The following CDK14 variants were observed in gnomAD, a reference collection of about 807,000 sequenced individuals.
CDK14 encodes cyclin dependent kinase 14, also known as cyclin-dependent kinase 14.
In CDK14, 34 loss-of-function variants were observed where a neutral mutation model predicts 60.7. The ratio of observed to expected loss-of-function variants is 0.56; its 90% CI spans 0.43 to 0.75. The LOEUF is 0.75. Among genes scored for constraint, CDK14 ranks in the 30% least tolerant of loss-of-function variants. The pLI, the probability that CDK14 is intolerant of heterozygous loss-of-function variation, is 0.00. For synonymous variants in CDK14, 197 were observed against 203.7 expected (o/e 0.97, Z 0.28); for missense variants, 482 against 564.1 (o/e 0.85, Z 1.47).
At chr7:91,200,641 T>A (rs1254628293) in intron 14 of CDK14, among the ~76,000 whole-genome samples, 1 of 152,180 alleles carries the variant, frequency 6.6e-6, no homozygotes, top group Non-Finnish European at 1.5e-5. Flanking sequence ...TGTTCAAACA[T>A]CTCCCCTACA....
chr7:90,604,458 A>AT (rs1799377625), intron 2 of CDK14, among the ~76,000 whole-genome samples: 1 of 152,244 alleles, frequency 6.6e-6, no homozygotes, highest in Non-Finnish European at 1.5e-5. Context: ...GTCTTTTTCA[A>AT]TTAATAAATG....
chr7:90,645,090 C>T (rs1800431891), intron 2 of CDK14, among the ~76,000 whole-genome samples: 1 of 152,106 alleles, frequency 6.6e-6, no homozygotes, highest in African/African-American at 2.4e-5. Flanking sequence ...ATGAGAGTTC[C>T]AGTCTCATGG....
At chr7:90,841,707 C>A (rs553794566) in intron 5 of CDK14, among the ~76,000 whole-genome samples, 1 of 133,740 alleles carries the variant, frequency 7.5e-6, no homozygotes, top group East Asian at 2.2e-4. Flanking sequence ...TCAGCTTTCC[C>A]AGTGGAACAA....
At chr7:90,662,394 C>T (rs1000407743) in intron 2 of CDK14, among the ~76,000 whole-genome samples, 8 of 152,168 alleles carry the variant, frequency 5.3e-5, no homozygotes, top group African/African-American at 1.9e-4. Context: ...TGATTTTCTC[C>T]CCTGAGGAAA....
intron 3 of CDK14, among the ~76,000 whole-genome samples, chr7:90,738,897 C>CTTT (rs10640762): frequency 0.43 from 65,192 of 150,370 alleles, 14,824 homozygotes; most frequent in East Asian, 0.81. Context: ...CTGAATTATT[C>CTTT]TTTTTTTTTT....
At chr7:90,625,588 C>T (rs1389510332) in intron 2 of CDK14, among the ~76,000 whole-genome samples, 1 of 152,154 alleles carries the variant, frequency 6.6e-6, no homozygotes, top group African/African-American at 2.4e-5. Context: ...TATTTTTGCA[C>T]TATTAATCAC....
At chr7:91,078,747 G>A (rs1481888228) in intron 11 of CDK14, among the ~76,000 whole-genome samples, 2 of 152,164 alleles carry the variant, frequency 1.3e-5, no homozygotes, top group African/African-American at 2.4e-5. Flanking sequence ...ACATAAGGAT[G>A]GGTGTATTTC....
At chr7:90,901,627 A>T (rs2117360350) in intron 7 of CDK14, among the ~76,000 whole-genome samples, 1 of 151,992 alleles carries the variant, frequency 6.6e-6, no homozygotes, top group East Asian at 1.9e-4. Context: ...ATAAACTAAG[A>T]GGTCTTCACT....
intron 2 of CDK14, among the ~76,000 whole-genome samples, chr7:90,653,113 G>A (rs74780168): frequency 2.0e-5 from 3 of 152,006 alleles, no homozygotes; most frequent in Non-Finnish European, 4.4e-5. Context: ...GATGTTGGGT[G>A]TATATAATTT....
chr7:91,140,598 A>G lies in CDK14; in HGVS notation c.*28+22390A>G, dbSNP rs763299233. Among the ~76,000 whole-genome samples the G allele has an allele frequency of 1.5e-4, 23 of 152,334 alleles. 1 individual carries two copies. In the Middle Eastern group the frequency reaches 0.01, roughly 68 times the overall value. On this transcript the variant is annotated intron_variant, in intron 14 of 14. Coordinates refer to ENST00000380050, the MANE Select transcript of CDK14 (RefSeq NM_001287135.2). ...ATAGGGATTAATATCTTTGGTTAAT[A>G]CCAGCAACCTGGGCTTTCAGACTGT... is the stretch of plus-strand genomic sequence containing the variant.
intron 10 of CDK14, among the ~76,000 whole-genome samples, chr7:91,011,266 A>C (rs1246533194): frequency 1.3e-5 from 2 of 152,062 alleles, no homozygotes; most frequent in African/African-American, 2.4e-5. Context: ...TGAGTTACTT[A>C]ATAAATAGGG....
Position 90,895,347 on chromosome 7 carries a change from T to TCCC in CDK14, c.640-3943_640-3942insCCC, listed in dbSNP as rs1562817477. ...TCTCCTTTCCTCTCCTCTCCTCTCC[T>TCCC]CTCCTCTCCTCACCTCTCCTCCCCT... is the stretch of plus-strand genomic sequence containing the variant. On this transcript the variant is annotated intron_variant, in intron 6 of 14. Transcript: ENST00000380050. Among the ~76,000 whole-genome samples the TCCC allele has an allele frequency of 1.6e-3, 152 of 92,352 alleles. 5 individuals are homozygous for TCCC. The highest frequency in any genetic ancestry group is 5.6e-3 in the African/African-American group (128 of 22,976). 60.6% of individuals were successfully genotyped at this position (92,352 alleles called of 152,430 possible).
chr7:90,917,521 T>G, intron 7 of CDK14, 80 bp from the exon 8 acceptor site: 1 of 1,383,912 alleles, frequency 7.2e-7, no homozygotes, highest in Non-Finnish European at 9.9e-7. Flanking sequence ...TAAATATTAA[T>G]ACAAGTACTT....
chr7:90,715,896 G>A (rs368121921), intron 2 of CDK14, among the ~76,000 whole-genome samples: 25 of 151,356 alleles, frequency 1.7e-4, no homozygotes, highest in African/African-American at 5.6e-4. Context: ...CATCTCTTGT[G>A]TCCCATTTCT....
chr7:91,034,980 T>G (rs201263326), intron 10 of CDK14, among the ~76,000 whole-genome samples: 2 of 117,672 alleles, frequency 1.7e-5, no homozygotes, highest in African/African-American at 3.0e-5. Flanking sequence ...ACACACACAT[T>G]GATAGCTTAT....
chr7:90,986,322 A>G (rs975393096), intron 10 of CDK14, among the ~76,000 whole-genome samples: 2 of 152,068 alleles, frequency 1.3e-5, no homozygotes, highest in African/African-American at 4.8e-5. Context: ...AAGAATAATT[A>G]TTAGAATAAG....
chr7:91,030,261 C>G (rs747083026), intron 10 of CDK14, among the ~76,000 whole-genome samples: 7 of 152,156 alleles, frequency 4.6e-5, no homozygotes, highest in Non-Finnish European at 7.4e-5. Flanking sequence ...GTTAAACTTA[C>G]CAGAGGTTTA....
At chr7:91,027,541 C>T (rs1015838320) in intron 10 of CDK14, among the ~76,000 whole-genome samples, 1 of 152,064 alleles carries the variant, frequency 6.6e-6, no homozygotes, top group Non-Finnish European at 1.5e-5. Context: ...AATACTGATT[C>T]TTGACCCACA....
At chr7:91,041,194 C>CTTTTT (rs1797081510) in intron 10 of CDK14, among the ~76,000 whole-genome samples, 1 of 138,706 alleles carries the variant, frequency 7.2e-6, no homozygotes. Context: ...TTTTTTTTAA[C>CTTTTT]AGATGTTAAA....
Sources: allele counts gnomAD v4.1 joint callset (sites outside exome capture counted in the v4.1 genomes callset), GRCh38; gene constraint gnomAD v4.1.1; transcripts MANE v1.5; gene names NCBI Gene and HGNC (gene_info 2026-07-23, HGNC 2026-07-21).